RDX: variants seen among roughly 807,000 people sequenced by gnomAD.
RDX encodes the protein deafness, autosomal recessive 24.
RDX carries 32 observed loss-of-function variants against 83.7 expected under a neutral mutation model. The ratio of observed to expected loss-of-function variants is 0.38; its 90% CI spans 0.29 to 0.51. The LOEUF (loss-of-function observed/expected upper bound fraction) is 0.51. Ranked by LOEUF, RDX falls within the 20% of genes least tolerant of loss-of-function variation. RDX has a pLI of 0.87. For synonymous variants in RDX, 229 were observed against 222.7 expected, an observed-to-expected ratio of 1.03 and a Z score of -0.25; for missense variants, 600 against 689.9, an observed-to-expected ratio of 0.87 and a Z score of 1.46.
intron 1 of RDX, among the ~76,000 whole-genome samples, chr11:110,292,625 T>C (rs771380621): frequency 1.6e-4 from 25 of 152,122 alleles, no homozygotes; most frequent in Non-Finnish European, 2.9e-4. Flanking sequence ...TCAGTCCTAG[T>C]TGACTTAAAC....
chr11:110,253,650 A>G (rs1859425987), intron 9 of RDX, among the ~76,000 whole-genome samples: 1 of 152,156 alleles, frequency 6.6e-6, no homozygotes, highest in Non-Finnish European at 1.5e-5. Flanking sequence ...AATATAAGTC[A>G]CAAGCAAAAC....
chr11:110,220,718 G>T (rs577555146), intron 14 of RDX, among the ~76,000 whole-genome samples: 16 of 151,922 alleles, frequency 1.1e-4, no homozygotes, highest in Non-Finnish European at 1.8e-4. Context: ...GGCTGGTCTC[G>T]AACTCCTGAC....
At chr11:110,192,390 G>C (rs1591501452) in intron 15 of RDX, among the ~76,000 whole-genome samples, 2 of 152,306 alleles carry the variant, frequency 1.3e-5, no homozygotes, top group African/African-American at 4.8e-5. Context: ...AGTGACTCAA[G>C]CTGGATTAAA....
intron 10 of RDX, among the ~76,000 whole-genome samples, chr11:110,242,117 A>G (rs1865121716): frequency 6.6e-6 from 1 of 152,170 alleles, no homozygotes; most frequent in Admixed American, 6.5e-5. Context: ...GCTGCACAAC[A>G]TTCCCAATAT....
intron 2 of RDX, among the ~76,000 whole-genome samples, chr11:110,277,512 G>T (rs866870185): frequency 6.6e-6 from 1 of 151,980 alleles, no homozygotes; most frequent in South Asian, 2.1e-4. Flanking sequence ...TAGAGATGGG[G>T]TTTCACCATG....
chr11:110,231,504 C>A lies in RDX; in HGVS notation c.*365G>T. 3.8e-6 allele frequency: 1 copy of A among 266,074 alleles called. No individual in the cohort carries two copies. The allele number at this position is 266,074 out of a possible 1,614,324, so 16.5% of individuals were successfully genotyped here. ...AAATATGGAAAGGGCAAGGGAAACC[C>A]ATTAAAATGTTCACCATTATCCTTT... On this transcript the variant is annotated 3_prime_UTR_variant, in exon 14 of 14. Coordinates refer to ENST00000645495, the MANE Select transcript of RDX (RefSeq NM_002906.4).
intron 10 of RDX, among the ~76,000 whole-genome samples, chr11:110,238,440 C>G (rs1326530107): frequency 1.3e-5 from 2 of 152,120 alleles, no homozygotes; most frequent in Non-Finnish European, 2.9e-5. Flanking sequence ...AGCCCTGTGA[C>G]AGAAGACAAT....
At position 110,285,404 on chromosome 11, in the gene RDX, T is replaced by A. The variant is rs549618744; in HGVS notation, c.-64-5648A>T. Among the ~76,000 whole-genome samples the A allele has an allele frequency of 3.3e-5, 5 of 151,150 alleles. No homozygotes were observed. In the South Asian group the frequency reaches 1.0e-3, roughly 32 times the overall value. On this transcript the variant is annotated intron_variant, in intron 1 of 13. Coordinates refer to ENST00000645495, the MANE Select transcript of RDX (RefSeq NM_002906.4). ...CATCTCAAAAGAAAATAAAAGAGAA[T>A]ATTGTTTAACCTCAATGAGACATTT...
chr11:110,294,576 G>T (rs962360183), intron 1 of RDX, among the ~76,000 whole-genome samples: 1 of 152,014 alleles, frequency 6.6e-6, no homozygotes, highest in Non-Finnish European at 1.5e-5. Flanking sequence ...TGGGAACAGT[G>T]AACCAATAAA....
intron 1 of RDX, among the ~76,000 whole-genome samples, chr11:110,285,021 A>G (rs1860925113): frequency 1.3e-5 from 2 of 152,344 alleles, no homozygotes; most frequent in African/African-American, 4.8e-5. Context: ...TTTTCAGGAC[A>G]AAGCTATGTA....
chr11:110,199,540 C>A (rs1397078543), intron 15 of RDX: 5 of 699,288 alleles, frequency 7.2e-6, no homozygotes, highest in South Asian at 1.5e-5. Flanking sequence ...GTCTAGTGGG[C>A]AGGTGAGCTG....
At chr11:110,293,250 CCGA>C (rs1463805551) in intron 1 of RDX, among the ~76,000 whole-genome samples, 1 of 152,144 alleles carries the variant, frequency 6.6e-6, no homozygotes. Context: ...CAAGGAATTG[CCGA>C]CAGCAGCTAC....
intron 14 of RDX, among the ~76,000 whole-genome samples, chr11:110,222,616 A>G (rs547023018): frequency 6.6e-6 from 1 of 152,120 alleles, no homozygotes; most frequent in African/African-American, 2.4e-5. Context: ...CTAACACGGT[A>G]AAACCTCGTC....
chr11:110,219,845 G>C (rs576673429), intron 14 of RDX, among the ~76,000 whole-genome samples: 1 of 152,284 alleles, frequency 6.6e-6, no homozygotes, highest in South Asian at 2.1e-4. Flanking sequence ...AAGTTCAGGG[G>C]AGAATTTGGT....
chr11:110,218,009 T>G (rs1315201566), intron 14 of RDX, among the ~76,000 whole-genome samples: 1 of 152,242 alleles, frequency 6.6e-6, no homozygotes, highest in Non-Finnish European at 1.5e-5. Flanking sequence ...TAACATTATT[T>G]GAATGGATGA....
chr11:110,229,372 T>C (rs1864538682), downstream of RDX: 2 of 152,436 alleles, frequency 1.3e-5, no homozygotes, highest in South Asian at 2.1e-4. Flanking sequence ...TGGTGATTCA[T>C]GGCTGTGATA....
chr11:110,200,478 A>ATT (rs1863363843), intron 14 of RDX: 3 of 152,248 alleles, frequency 2.0e-5, no homozygotes, highest in Non-Finnish European at 4.4e-5. Context: ...ACTGGGGAGA[A>ATT]TACTGGTTAC....
At chr11:110,253,910 C>T in intron 9 of RDX, 36 bp downstream of exon 9, 1 of 1,601,720 alleles carries the variant, frequency 6.2e-7, no homozygotes, top group African/African-American at 1.3e-5. Flanking sequence ...TAGCCTACTC[C>T]TATCAATTAA....
At chr11:110,232,161 A>T in intron 13 of RDX, 128 bp from the exon 14 acceptor site, 1 of 786,340 alleles carries the variant, frequency 1.3e-6, no homozygotes, top group Non-Finnish European at 2.1e-6. Context: ...TTCTTTAGGT[A>T]TAAGTTTGTT....
Sources: gnomAD v4.1 joint callset for allele counts (sites outside exome capture counted in the v4.1 genomes callset) on GRCh38, gnomAD v4.1.1 for gene constraint, MANE v1.5 for transcripts, NCBI Gene and HGNC (gene_info 2026-07-23, HGNC 2026-07-21) for gene names.